Variants in TMEM176B observed in about 807,000 individuals in gnomAD.
TMEM176B encodes transmembrane protein 176B, also known as LR8-like protein.
A neutral mutation model predicts 30.3 loss-of-function variants in TMEM176B; 28 were observed. That is an observed-to-expected ratio of 0.92 (90% CI 0.68 to 1.27). TMEM176B has a LOEUF of 1.27. TMEM176B is among the 50% of genes most tolerant of loss of function. The probability of loss-of-function intolerance (pLI) is 0.00; values close to 1 mark genes in which losing one functional copy is unlikely to be tolerated. For synonymous variants in TMEM176B, 123 were observed against 130.3 expected, an observed-to-expected ratio of 0.94 and a Z score of 0.38; for missense variants, 349 against 327.4, an observed-to-expected ratio of 1.07 and a Z score of -0.51.
rs537257160 is a variant in TMEM176B, at chr7:150,793,947, T to A, written c.315+14A>T. On this transcript the variant is annotated intron_variant, in intron 3 of 6. Coordinates refer to ENST00000326442, the MANE Select transcript of TMEM176B (RefSeq NM_001101312.2). ...CTTGCCTCCCTCCAGGCTCACAGCC[T>A]GTTCCTTACTCACCACAGACCCCGC... 1.3e-6 allele frequency: 2 copies of A among 1,579,994 alleles called. No individual in the cohort carries two copies. Among genetic ancestry groups the A allele is most frequent in the African/African-American group, 2.7e-5 (2 of 73,640 alleles).
In TMEM176B at chr7:150,791,335, A is replaced by C. The variant is rs1293933007; in HGVS notation, c.*196T>G. On this transcript the variant is annotated 3_prime_UTR_variant, in exon 7 of 7. Coordinates refer to ENST00000326442, the MANE Select transcript of TMEM176B (RefSeq NM_001101312.2). ...GGATTGTTTATTATGTTTAATCAGC[A>C]TTGTGGAAAATGCAACAATATCTGT... is the stretch of plus-strand genomic sequence containing the variant. The C allele has an allele frequency of 3.8e-6, 2 of 528,338 alleles. No homozygotes were observed. The highest frequency in any genetic ancestry group is 6.4e-5 in the Admixed American group (2 of 31,034). 32.7% of individuals were successfully genotyped at this position (528,338 alleles called of 1,614,324 possible).
chr7:150,799,029 A>T (rs746075440), intron 1 of TMEM176B, among the ~76,000 whole-genome samples: 1 of 152,146 alleles, frequency 6.6e-6, no homozygotes, highest in African/African-American at 2.4e-5. Context: ...ATTATAAAAT[A>T]ATCTTCCACA....
In TMEM176B at chr7:150,791,376, C is replaced by A. The variant is rs370639039; in HGVS notation, c.*155G>T. 7 of 583,944 alleles carry A rather than the reference C, an allele frequency of 1.2e-5. No homozygotes were observed. The highest frequency in any genetic ancestry group is 4.6e-4 in the Middle Eastern group (1 of 2,178). 36.2% of individuals were successfully genotyped at this position (583,944 alleles called of 1,614,324 possible). A position where few individuals can be genotyped will look rare whatever the true frequency, so the allele number is the denominator to read the frequency against. On this transcript the variant is annotated 3_prime_UTR_variant, in exon 7 of 7. Transcript: ENST00000326442. Reference sequence around the variant, plus strand: ...CAATATCTGTTCATGGACTTGAGAACCCCAGAGTGGGAACAGCAGGTGCGG... The same window carrying A: ...CAATATCTGTTCATGGACTTGAGAAACCCAGAGTGGGAACAGCAGGTGCGG...
rs113520492 is a variant in TMEM176B at position 150,798,091 on chromosome 7, A to C, written c.-5-1517T>G. On this transcript the variant is annotated intron_variant, in intron 1 of 6. Transcript: ENST00000326442. Reference sequence around the variant, plus strand: ...TGTATATCTCAACGAGTTTTGACAAATTTACACATTTGTGCAATTACAGCT... The same window carrying C: ...TGTATATCTCAACGAGTTTTGACAACTTTACACATTTGTGCAATTACAGCT... Among the ~76,000 whole-genome samples, 1,450 of 152,290 alleles carry C rather than the reference A, an allele frequency of 9.5e-3. 27 individuals carry two copies. Among genetic ancestry groups the C allele is most frequent in the African/African-American group, 0.03 (1,262 of 41,546 alleles).
chr7:150,792,672 C>T (rs73727417), intron 5 of TMEM176B, among the ~76,000 whole-genome samples: 9,532 of 152,242 alleles, frequency 0.063, 866 homozygotes, highest in African/African-American at 0.2. Flanking sequence ...TAACTTCACC[C>T]CCATCTGACT....
chr7:150,797,169 A>G (rs1305127542), intron 1 of TMEM176B, among the ~76,000 whole-genome samples: 1 of 152,218 alleles, frequency 6.6e-6, no homozygotes, highest in Non-Finnish European at 1.5e-5. Flanking sequence ...GCAAAGTAAT[A>G]TTATCAGTCT....
intron 1 of TMEM176B, among the ~76,000 whole-genome samples, chr7:150,798,309 T>A (rs12668631): frequency 3.3e-5 from 5 of 151,998 alleles, no homozygotes; most frequent in Non-Finnish European, 7.4e-5. Context: ...TTTTTTGAGA[T>A]GGAGTCTCGC....
chr7:150,798,044 A>C (rs1337212623), intron 1 of TMEM176B, among the ~76,000 whole-genome samples: 1 of 152,172 alleles, frequency 6.6e-6, no homozygotes, highest in African/African-American at 2.4e-5. Context: ...AATTTTATGT[A>C]ATAAAAATGT....
chr7:150,798,014 A>G (rs979018945), intron 1 of TMEM176B, among the ~76,000 whole-genome samples: 1 of 152,234 alleles, frequency 6.6e-6, no homozygotes, highest in Non-Finnish European at 1.5e-5. Context: ...TATATGGGGA[A>G]AAATGCATTG....
At chr7:150,796,344 C>T (rs759471242) in intron 2 of TMEM176B, 22 bp downstream of exon 2, 11 of 1,611,114 alleles carry the variant, frequency 6.8e-6, no homozygotes, top group African/African-American at 1.3e-5. Context: ...TGCCCCCCAA[C>T]CCCGCACCAC....
chr7:150,791,844 C>T (rs904779641), intron 6 of TMEM176B, among the ~76,000 whole-genome samples: 11 of 151,648 alleles, frequency 7.3e-5, no homozygotes, highest in Admixed American at 3.3e-4. Context: ...CAGAGGAGGG[C>T]GCAGAGAGGC....
intron 1 of TMEM176B, among the ~76,000 whole-genome samples, chr7:150,799,780 C>T (rs559136407): frequency 6.6e-6 from 1 of 152,222 alleles, no homozygotes; most frequent in Non-Finnish European, 1.5e-5. Flanking sequence ...GCCCCCAGGA[C>T]CACCGCTTCC....
rs2072443 is a variant in TMEM176B at position 150,793,288 on chromosome 7, C to T, written c.400G>A (p.Ala134Thr). 0.41 allele frequency: 656,270 copies of T among 1,613,658 alleles called. 135,095 individuals are homozygous for T. Among genetic ancestry groups the T allele is most frequent in the East Asian group, 0.56 (25,140 of 44,852 alleles). ...GCAGCCATAGCTGTAGCAAAGCCTG[C>T]CAGGGTGAGCAGGCTGGATATATAG... is the stretch of plus-strand genomic sequence containing the variant. ...AGYISSLLTL[A>T]GFATAMAAVV... The change falls in exon 5 of 7, where the codon GCA becomes ACA. Residue 134 changes from alanine (A) to threonine (T), a missense_variant. Transcript: ENST00000326442.
Position 150,797,558 on chromosome 7 carries a change from G to A in TMEM176B, c.-5-984C>T, listed in dbSNP as rs145962415. On this transcript the variant is annotated intron_variant, in intron 1 of 6. Transcript: ENST00000326442. ...AGGATCAATAACAAGGGTGACACAA[G>A]TCCAGGGTTAGACAGGCAGTTGCTG... 9.2e-5 allele frequency among the ~76,000 whole-genome samples: 14 copies of A among 152,350 alleles called. No homozygotes were observed. In the East Asian group the frequency reaches 2.7e-3, roughly 29 times the overall value.
chr7:150,800,800 C>T (rs1798752429), upstream of TMEM176B: 2 of 446,442 alleles, frequency 4.5e-6, no homozygotes, highest in Non-Finnish European at 5.9e-6. Context: ...GCCCTCCCGC[C>T]GCCCGCTCGC....
intron 2 of TMEM176B, among the ~76,000 whole-genome samples, chr7:150,794,943 A>G (rs1036134422): frequency 6.7e-5 from 7 of 104,482 alleles, no homozygotes; most frequent in Middle Eastern, 5.0e-3. Flanking sequence ...ACACACACAC[A>G]CACACCTCTC....
intron 5 of TMEM176B, among the ~76,000 whole-genome samples, chr7:150,792,781 C>T (rs915451671): frequency 1.3e-5 from 2 of 152,218 alleles, no homozygotes; most frequent in African/African-American, 4.8e-5. Flanking sequence ...TAAGCCACTA[C>T]ATTTTGGTGT....
chr7:150,791,556 T>C lies in TMEM176B; in HGVS notation c.788A>G (p.Gln263Arg). 4 of 1,613,910 alleles carry C rather than the reference T, an allele frequency of 2.5e-6. No individual in the cohort carries two copies. Among genetic ancestry groups the C allele is most frequent in the Non-Finnish European group, 3.4e-6 (4 of 1,179,958 alleles). Residue 263 changes from glutamine to arginine, a missense_variant, in exon 7 of 7, where the codon CAG becomes CGG. Transcript: ENST00000326442. ...TCACAGGACAATGGCAGTGGAGGTC[T>C]GCTCCCTAGAGGGCGAAGGGGGCAC... ...NSVPPSPSRE[Q>R]TSTAIVL
At chr7:150,796,304 A>G in intron 2 of TMEM176B, 62 bp downstream of exon 2, 1 of 1,503,238 alleles carries the variant, frequency 6.7e-7, no homozygotes, top group South Asian at 1.2e-5. Context: ...TTGGCTCTAT[A>G]TTTTAATTGA....
Sources: gnomAD v4.1 joint callset for allele counts (sites outside exome capture counted in the v4.1 genomes callset) on GRCh38, gnomAD v4.1.1 for gene constraint, MANE v1.5 for transcripts, NCBI Gene and HGNC (gene_info 2026-07-23, HGNC 2026-07-21) for gene names.